Variants in CNIH3 observed in about 807,000 individuals in gnomAD.
The protein encoded by CNIH3 is protein cornichon homolog 3.
CNIH3 carries 14 observed loss-of-function variants against 24.1 expected under a neutral mutation model. That is an observed-to-expected ratio of 0.58 (90% CI 0.38 to 0.91). The LOEUF is 0.91. Among genes scored for constraint, CNIH3 ranks in the 40% least tolerant of loss-of-function variants. CNIH3 has a pLI of 0.00. For synonymous variants in CNIH3, 68 were observed against 73.8 expected (o/e 0.92, Z 0.40); for missense variants, 178 against 196.8 (o/e 0.90, Z 0.57).
In CNIH3 at chr1:224,617,922, C is replaced by T. The variant is rs548833573; in HGVS notation, c.81+667C>T. 2.0e-5 allele frequency among the ~76,000 whole-genome samples: 3 copies of T among 152,246 alleles called. No individual in the cohort carries two copies. In the South Asian group the frequency reaches 6.2e-4, roughly 32 times the overall value. ...GCGACGACGGTGTCCTCCATCTGCC[C>T]TCTTGGCGTCTGAAGTCCGACTCCT... On this transcript the variant is annotated intron_variant, in intron 1 of 5. Transcript: ENST00000272133.
In CNIH3 at chr1:224,616,795, A is replaced by G. The variant is rs901225373; in HGVS notation, c.-380A>G. The G allele has an allele frequency of 5.2e-5, 55 of 1,059,030 alleles. No homozygotes were observed. Among genetic ancestry groups the G allele is most frequent in the Non-Finnish European group, 6.2e-5 (54 of 877,660 alleles). 65.6% of individuals were successfully genotyped at this position (1,059,030 alleles called of 1,614,324 possible). ...GAGAGCTCTTCCTGGGGCGAATGGGACCTCCTCCCTCGGTCCTCCGTGGAG... is the reference window on the plus strand; with the variant it reads ...GAGAGCTCTTCCTGGGGCGAATGGGGCCTCCTCCCTCGGTCCTCCGTGGAG... On this transcript the variant is annotated 5_prime_UTR_variant, in exon 1 of 6. Coordinates refer to ENST00000272133, the MANE Select transcript of CNIH3 (RefSeq NM_152495.2).
At chr1:224,630,721 T>C (rs1022493076) in intron 1 of CNIH3, among the ~76,000 whole-genome samples, 1 of 152,168 alleles carries the variant, frequency 6.6e-6, no homozygotes, top group African/African-American at 2.4e-5. Flanking sequence ...CATCATTTGC[T>C]TCTCACCATC....
At chr1:224,660,558 T>C (rs1359773743) in intron 1 of CNIH3, among the ~76,000 whole-genome samples, 20 of 152,208 alleles carry the variant, frequency 1.3e-4, no homozygotes, top group Non-Finnish European at 2.8e-4. Flanking sequence ...CGTTTCTTTG[T>C]TTTAAAGCAA....
chr1:224,723,360 C>G (rs949372945), intron 3 of CNIH3, among the ~76,000 whole-genome samples: 1 of 152,206 alleles, frequency 6.6e-6, no homozygotes, highest in Non-Finnish European at 1.5e-5. Flanking sequence ...CCTCCCTGTG[C>G]TGCCTTCTCT....
At chr1:224,672,220 G>GT (rs902423626) in intron 1 of CNIH3, among the ~76,000 whole-genome samples, 2 of 152,012 alleles carry the variant, frequency 1.3e-5, no homozygotes, top group African/African-American at 2.4e-5. Flanking sequence ...TTACAGGAAG[G>GT]TTTGGGGGGA....
chr1:224,684,861 A>C lies in CNIH3; in HGVS notation c.198+18A>C, dbSNP rs745791688. On this transcript the variant is annotated intron_variant, in intron 3 of 5. Coordinates refer to ENST00000272133, the MANE Select transcript of CNIH3 (RefSeq NM_152495.2). The surrounding 1 kb of genome is among the most constrained non-coding windows in gnomAD (Gnocchi z 4.2). Reference sequence around the variant, plus strand: ...TGCGAAAGGTCAGTGTGGCAGCTTCATGCCGAGGATGGAGGATCGCATGGT... The same window carrying C: ...TGCGAAAGGTCAGTGTGGCAGCTTCCTGCCGAGGATGGAGGATCGCATGGT... 1.6e-5 allele frequency: 25 copies of C among 1,612,292 alleles called. No individual in the cohort carries two copies. The highest frequency in any genetic ancestry group is 2.0e-5 in the Non-Finnish European group (24 of 1,178,412).
At chr1:224,592,402 C>T (rs569592371), downstream of CNIH3, among the ~76,000 whole-genome samples, 1 of 152,248 alleles carries the variant, frequency 6.6e-6, no homozygotes, top group Admixed American at 6.5e-5. Context: ...AGGGAAATCA[C>T]GGCAGTAATA....
chr1:224,673,271 T>C (rs529642611), intron 1 of CNIH3, among the ~76,000 whole-genome samples: 1 of 152,238 alleles, frequency 6.6e-6, no homozygotes, highest in East Asian at 1.9e-4. Context: ...GCATCACCAA[T>C]GGAATAGATG....
chr1:224,724,252 T>C (rs1688898388), intron 3 of CNIH3, among the ~76,000 whole-genome samples: 2 of 152,220 alleles, frequency 1.3e-5, no homozygotes, highest in South Asian at 2.1e-4. Flanking sequence ...AAGTCCCAGC[T>C]GGCGGAGTGT....
intron 5 of CNIH3, among the ~76,000 whole-genome samples, chr1:224,586,694 T>C (rs1030474157): frequency 1.3e-5 from 2 of 152,140 alleles, no homozygotes; most frequent in African/African-American, 4.8e-5. Context: ...TATTTGGAAA[T>C]AGGGTCTTTG....
At chr1:224,554,787 A>G (rs1470380167) in intron 3 of CNIH3, among the ~76,000 whole-genome samples, 1 of 152,028 alleles carries the variant, frequency 6.6e-6, no homozygotes, top group Non-Finnish European at 1.5e-5. Context: ...GGGTCTCACT[A>G]TGTTGCCTAA....
At chr1:224,467,606 T>C (rs540249138) in intron 1 of CNIH3, among the ~76,000 whole-genome samples, 2 of 152,260 alleles carry the variant, frequency 1.3e-5, no homozygotes, top group East Asian at 3.9e-4. Context: ...GTATTTTTAG[T>C]AGAGACGGGG....
intron 1 of CNIH3, among the ~76,000 whole-genome samples, chr1:224,638,233 G>A (rs931075831): frequency 1.8e-4 from 28 of 152,344 alleles, no homozygotes; most frequent in Middle Eastern, 3.4e-3. Context: ...TACAGCCTGC[G>A]CACCCAGGGG....
At chr1:224,498,771 G>C (rs895786500) in intron 1 of CNIH3, among the ~76,000 whole-genome samples, 1 of 152,218 alleles carries the variant, frequency 6.6e-6, no homozygotes, top group African/African-American at 2.4e-5. Flanking sequence ...AAGATGCGGG[G>C]GGCAAGGAAC....
At chr1:224,667,796 T>G (rs1213552125) in intron 1 of CNIH3, among the ~76,000 whole-genome samples, 1 of 151,220 alleles carries the variant, frequency 6.6e-6, no homozygotes, top group Non-Finnish European at 1.5e-5. Flanking sequence ...CTCCTAGGTA[T>G]AAATCACAAA....
At chr1:224,490,599 A>G (rs1677203990) in intron 1 of CNIH3, among the ~76,000 whole-genome samples, 1 of 152,178 alleles carries the variant, frequency 6.6e-6, no homozygotes, top group African/African-American at 2.4e-5. Context: ...TATTTACATC[A>G]TGTATAAGAG....
intron 1 of CNIH3, among the ~76,000 whole-genome samples, chr1:224,470,317 CTT>C (rs1328534764): frequency 1.3e-4 from 17 of 134,224 alleles, no homozygotes; most frequent in South Asian, 2.4e-4. Flanking sequence ...TGTGCCTGGC[CTT>C]TTTTTTTTTT....
chr1:224,722,497 G>A (rs958560892), intron 3 of CNIH3, among the ~76,000 whole-genome samples: 4 of 152,134 alleles, frequency 2.6e-5, no homozygotes, highest in Admixed American at 2.6e-4. Context: ...GCTTTGATTC[G>A]GTAGGTCTGG....
chr1:224,532,653 A>G (rs934680072), intron 2 of CNIH3, among the ~76,000 whole-genome samples: 21 of 152,232 alleles, frequency 1.4e-4, no homozygotes, highest in African/African-American at 5.1e-4. Flanking sequence ...TACCTAACAT[A>G]GTCACAAAGT....
Sources: allele counts gnomAD v4.1 joint callset (sites outside exome capture counted in the v4.1 genomes callset), GRCh38; gene constraint gnomAD v4.1.1; non-coding constraint Gnocchi (gnomAD v3.1); transcripts MANE v1.5; gene names NCBI Gene and HGNC (gene_info 2026-07-23, HGNC 2026-07-21).